Variants in SPATS2L observed in about 807,000 individuals in gnomAD.
SPATS2L encodes the protein SPATS2-like protein.
In SPATS2L, 30 loss-of-function variants were observed where a neutral mutation model predicts 59.6. That is an observed-to-expected ratio of 0.50 (90% CI 0.38 to 0.68). SPATS2L has a LOEUF of 0.68. SPATS2L is among the 30% of genes least tolerant of loss of function. The pLI is 0.00. For synonymous variants in SPATS2L, 252 were observed against 263.5 expected, an observed-to-expected ratio of 0.96 and a Z score of 0.42; for missense variants, 615 against 700.0, an observed-to-expected ratio of 0.88 and a Z score of 1.37.
chr2:200,448,545 ATGTTT>A (rs1187358283), intron 8 of SPATS2L, among the ~76,000 whole-genome samples: 2 of 152,178 alleles, frequency 1.3e-5, no homozygotes, highest in African/African-American at 4.8e-5. Context: ...GTGTTTTTTA[ATGTTT>A]TGTTTTAAAA....
intron 2 of SPATS2L, among the ~76,000 whole-genome samples, chr2:200,362,618 G>A (rs1193717962): frequency 6.6e-6 from 1 of 152,190 alleles, no homozygotes; most frequent in Non-Finnish European, 1.5e-5. Context: ...TTAATTGCAA[G>A]GGAGGATGGA....
chr2:200,307,710 C>T (rs1260703670), intron 1 of SPATS2L, among the ~76,000 whole-genome samples: 1 of 152,252 alleles, frequency 6.6e-6, no homozygotes, highest in African/African-American at 2.4e-5. Flanking sequence ...GAGTCTTCAC[C>T]TGCGCGGGGA....
chr2:200,465,147 G>A (rs1574690105), intron 9 of SPATS2L, among the ~76,000 whole-genome samples: 1 of 152,210 alleles, frequency 6.6e-6, no homozygotes, highest in African/African-American at 2.4e-5. Context: ...GATGCTCGCA[G>A]GAAACAGATA....
chr2:200,354,581 C>T (rs2080849847), intron 2 of SPATS2L, among the ~76,000 whole-genome samples: 1 of 151,496 alleles, frequency 6.6e-6, no homozygotes, highest in Non-Finnish European at 1.5e-5. Flanking sequence ...GCACTTCAGC[C>T]TGGGCGACAG....
At chr2:200,335,474 T>G (rs914674358) in intron 2 of SPATS2L, among the ~76,000 whole-genome samples, 1 of 152,132 alleles carries the variant, frequency 6.6e-6, no homozygotes, top group Non-Finnish European at 1.5e-5. Flanking sequence ...CTGGCAATAT[T>G]GTGTGCTTTG....
intron 2 of SPATS2L, among the ~76,000 whole-genome samples, chr2:200,376,670 A>G (rs555217512): frequency 6.6e-6 from 1 of 152,248 alleles, no homozygotes; most frequent in Non-Finnish European, 1.5e-5. Context: ...TTTCCGATCC[A>G]TTCTATGCAG....
chr2:200,307,133 C>G (rs1267192760), intron 1 of SPATS2L, among the ~76,000 whole-genome samples: 5 of 151,106 alleles, frequency 3.3e-5, no homozygotes, highest in African/African-American at 1.2e-4. Context: ...CGAAGGTCGC[C>G]GTCCTTCCTT....
chr2:200,457,550 T>C (rs1286317203), intron 8 of SPATS2L, among the ~76,000 whole-genome samples: 3 of 152,210 alleles, frequency 2.0e-5, no homozygotes, highest in African/African-American at 7.2e-5. Flanking sequence ...GTAATGTCAA[T>C]AGGTAAGGGA....
At position 200,479,811 on chromosome 2, in the gene SPATS2L, C is replaced by A; in HGVS notation, c.*1780C>A. 2.5e-6 allele frequency: 1 copy of A among 398,546 alleles called. No homozygotes were observed. The highest frequency in any genetic ancestry group is 4.4e-6 in the Non-Finnish European group (1 of 226,086). The allele number at this position is 398,546 out of a possible 1,614,324, so 24.7% of individuals were successfully genotyped here. A position where few individuals can be genotyped will look rare whatever the true frequency, so the allele number is the denominator to read the frequency against. ...CTGCAAGCCACGCAAGCATCTGTTTCTTCTTTTGCCAAGTACAGGAGGATG... is the reference window on the plus strand; with the variant it reads ...CTGCAAGCCACGCAAGCATCTGTTTATTCTTTTGCCAAGTACAGGAGGATG... On this transcript the variant is annotated 3_prime_UTR_variant, in exon 13 of 13. Transcript: ENST00000409140.
intron 2 of SPATS2L, among the ~76,000 whole-genome samples, chr2:200,348,275 A>G (rs1025881486): frequency 6.6e-6 from 1 of 152,162 alleles, no homozygotes; most frequent in African/African-American, 2.4e-5. Flanking sequence ...GGTATGAGAG[A>G]GCATGTAAAA....
At chr2:200,468,066 A>G (rs750894359) in intron 10 of SPATS2L, among the ~76,000 whole-genome samples, 77 of 152,074 alleles carry the variant, frequency 5.1e-4, no homozygotes, top group Admixed American at 8.5e-4. Flanking sequence ...AATAATCACT[A>G]GACACTCTCA....
intron 6 of SPATS2L, among the ~76,000 whole-genome samples, chr2:200,429,868 A>G (rs1010334151): frequency 1.3e-5 from 2 of 152,144 alleles, no homozygotes; most frequent in Non-Finnish European, 2.9e-5. Context: ...TAACTGGCAC[A>G]CAATGCTTTC....
intron 2 of SPATS2L, among the ~76,000 whole-genome samples, chr2:200,363,303 TG>T (rs1445318268): frequency 8.8e-4 from 2 of 2,274 alleles, no homozygotes; most frequent in Non-Finnish European, 4.0e-3. Context: ...CTTATTATAG[TG>T]CAGTGCTATA....
In SPATS2L at chr2:200,477,898, C is replaced by A; in HGVS notation, c.1544C>A (p.Ala515Glu). 6.2e-7 allele frequency: 1 copy of A among 1,611,646 alleles called. No individual in the cohort carries two copies. Among genetic ancestry groups the A allele is most frequent in the Admixed American group, 1.7e-5 (1 of 59,768 alleles). Residue 515 changes from alanine to glutamate, a missense_variant, in exon 13 of 13, where the codon GCA (alanine) becomes GAA (glutamate). Ala to Glu is a moderately radical substitution (Grantham distance 107, BLOSUM62 -1). Coordinates refer to ENST00000409140, the MANE Select transcript of SPATS2L (RefSeq NM_001100423.2). ...AAGCCCCGGCGAAGGCAGCACGCTGCAGACACCTCGGAGGCCAGGCCCTTC... is the reference window on the plus strand; with the variant it reads ...AAGCCCCGGCGAAGGCAGCACGCTGAAGACACCTCGGAGGCCAGGCCCTTC... ...SEKPRRRQHA[A>E]DTSEARPFRG...
intron 12 of SPATS2L, among the ~76,000 whole-genome samples, chr2:200,473,303 G>C (rs745952535): frequency 6.6e-6 from 1 of 152,072 alleles, no homozygotes; most frequent in Non-Finnish European, 1.5e-5. Context: ...TCTTGACCAC[G>C]TGAGCAGAGT....
chr2:200,324,236 A>G (rs1257310622), intron 1 of SPATS2L, among the ~76,000 whole-genome samples: 1 of 152,110 alleles, frequency 6.6e-6, no homozygotes, highest in Non-Finnish European at 1.5e-5. Flanking sequence ...TAGGACCTTG[A>G]AGGTGTTTCA....
intron 1 of SPATS2L, among the ~76,000 whole-genome samples, chr2:200,307,465 C>T (rs978670938): frequency 9.9e-5 from 15 of 152,128 alleles, no homozygotes; most frequent in Admixed American, 7.2e-4. Flanking sequence ...TGGCGCCCAG[C>T]GGGAGTGGGA....
At chr2:200,470,692 C>G (rs148786470) in intron 11 of SPATS2L, among the ~76,000 whole-genome samples, 4 of 152,148 alleles carry the variant, frequency 2.6e-5, no homozygotes, top group Non-Finnish European at 4.4e-5. Flanking sequence ...CCCACAGCCT[C>G]GCAGTCAGCT....
intron 2 of SPATS2L, among the ~76,000 whole-genome samples, chr2:200,374,449 A>C (rs1309651365): frequency 6.6e-6 from 1 of 152,130 alleles, no homozygotes; most frequent in Non-Finnish European, 1.5e-5. Flanking sequence ...ACATGGTTGT[A>C]GTCATTTCAG....
Sources: gnomAD v4.1 joint callset for allele counts (sites outside exome capture counted in the v4.1 genomes callset) on GRCh38, gnomAD v4.1.1 for gene constraint, MANE v1.5 for transcripts, NCBI Gene and HGNC (gene_info 2026-07-23, HGNC 2026-07-21) for gene names.